EPB41L3: variants seen among roughly 807,000 people sequenced by gnomAD.
EPB41L3 encodes the protein band 4.1-like protein 3.
A neutral mutation model predicts 127.1 loss-of-function variants in EPB41L3; 57 were observed. The ratio of observed to expected loss-of-function variants is 0.45; its 90% CI spans 0.36 to 0.56. The LOEUF (loss-of-function observed/expected upper bound fraction) is 0.56. Among genes scored for constraint, EPB41L3 ranks in the 20% least tolerant of loss-of-function variants. The pLI, the probability that EPB41L3 is intolerant of heterozygous loss-of-function variation, is 0.00. For synonymous variants in EPB41L3, 572 were observed against 549.5 expected (o/e 1.04, Z -0.57); for missense variants, 1,273 against 1,372.2 (o/e 0.93, Z 1.14).
intron 16 of EPB41L3, among the ~76,000 whole-genome samples, chr18:5,401,334 C>T (rs1335786818): frequency 6.6e-6 from 1 of 152,106 alleles, no homozygotes; most frequent in Non-Finnish European, 1.5e-5. Flanking sequence ...TCTACAAACA[C>T]AGAGCATACA....
Position 5,393,252 on chromosome 18 carries a change from T to G in EPB41L3, c.*233A>C. 2.3e-6 allele frequency: 1 copy of G among 426,306 alleles called. No individual in the cohort carries two copies. Among genetic ancestry groups the G allele is most frequent in the Non-Finnish European group, 4.2e-6 (1 of 240,908 alleles). 26.4% of individuals were successfully genotyped at this position (426,306 alleles called of 1,614,324 possible). On this transcript the variant is annotated 3_prime_UTR_variant, in exon 23 of 23. Transcript: ENST00000341928. Reference sequence around the variant, plus strand: ...ATTAAAAATGCTGCTCTTTTGTAATTTTATCGTTGCTTCATGCATTATCGG... The same window carrying G: ...ATTAAAAATGCTGCTCTTTTGTAATGTTATCGTTGCTTCATGCATTATCGG...
chr18:5,401,390 T>C (rs2074469721), intron 16 of EPB41L3, among the ~76,000 whole-genome samples: 1 of 152,162 alleles, frequency 6.6e-6, no homozygotes, highest in African/African-American at 2.4e-5. Flanking sequence ...ACCATGTTTA[T>C]GTTGGTATCA....
intron 9 of EPB41L3, among the ~76,000 whole-genome samples, chr18:5,427,221 G>A (rs1598797399): frequency 1.3e-5 from 2 of 152,098 alleles, no homozygotes; most frequent in South Asian, 2.1e-4. Flanking sequence ...CAGTAGAGAA[G>A]TAGATTTTGA....
At chr18:5,542,017 T>C (rs2093744077) in intron 1 of EPB41L3, among the ~76,000 whole-genome samples, 1 of 152,262 alleles carries the variant, frequency 6.6e-6, no homozygotes, top group Non-Finnish European at 1.5e-5. Flanking sequence ...GTATTCAGCA[T>C]TCAGCTATCA....
intron 1 of EPB41L3, among the ~76,000 whole-genome samples, chr18:5,621,126 T>C (rs1374769527): frequency 6.6e-6 from 1 of 152,194 alleles, no homozygotes; most frequent in Non-Finnish European, 1.5e-5. Context: ...CTAGTGACTC[T>C]CTGCTGGGTG....
chr18:5,563,819 G>C (rs1192606650), intron 3 of EPB41L3, among the ~76,000 whole-genome samples: 1 of 152,322 alleles, frequency 6.6e-6, no homozygotes, highest in East Asian at 1.9e-4. Context: ...GCTTAAGGCT[G>C]AGTTGCTCAT....
Position 5,489,102 on chromosome 18 carries a change from G to T in EPB41L3, c.82C>A (p.Arg28Ser). ...GGCTCCGGCACGGGCGCCCCCGCGC[G>T]CCCCTGCGCCCCCGCCGCCTCCTGG... ...EPQEAAGAQG[R>S]AGAPVPEPPK... The change falls in exon 2 of 23, where the codon CGC becomes AGC. Residue 28 changes from arginine to serine, a missense_variant. Transcript: ENST00000341928. 6.3e-7 allele frequency: 1 copy of T among 1,592,130 alleles called. No homozygotes were observed. Among genetic ancestry groups the T allele is most frequent in the Non-Finnish European group, 8.5e-7 (1 of 1,173,882 alleles).
intron 1 of EPB41L3, among the ~76,000 whole-genome samples, chr18:5,497,813 C>G (rs548739687): frequency 6.6e-6 from 1 of 152,320 alleles, no homozygotes; most frequent in South Asian, 2.1e-4. Flanking sequence ...AACAGATTAA[C>G]ATGAATATGT....
chr18:5,497,072 G>T (rs995224192), intron 1 of EPB41L3, among the ~76,000 whole-genome samples: 1 of 152,182 alleles, frequency 6.6e-6, no homozygotes, highest in Non-Finnish European at 1.5e-5. Flanking sequence ...ATGCAGATAC[G>T]CACAGTGGCG....
chr18:5,415,548 T>C (rs2076692231), intron 13 of EPB41L3, among the ~76,000 whole-genome samples: 1 of 152,210 alleles, frequency 6.6e-6, no homozygotes, highest in African/African-American at 2.4e-5. Context: ...TTATATAAAA[T>C]TGACTTCTGG....
At chr18:5,544,117 AG>A (rs2093833090), upstream of EPB41L3, 1 of 985,398 alleles carries the variant, frequency 1.0e-6, no homozygotes, top group Non-Finnish European at 1.2e-6. Context: ...AGACCGTGCG[AG>A]GAAAGCCAAC....
chr18:5,485,804 G>A (rs1490580705), intron 2 of EPB41L3, among the ~76,000 whole-genome samples: 1 of 151,938 alleles, frequency 6.6e-6, no homozygotes, highest in African/African-American at 2.4e-5. Flanking sequence ...TCGGTGTAAG[G>A]AAAACTATAA....
intron 16 of EPB41L3, among the ~76,000 whole-genome samples, chr18:5,403,589 C>G (rs62080544): frequency 1.5e-5 from 2 of 135,600 alleles, no homozygotes; most frequent in South Asian, 2.2e-4. Flanking sequence ...GTCACTGAGA[C>G]CAAAAAAAAA....
At chr18:5,563,817 C>G (rs2094164186) in intron 3 of EPB41L3, among the ~76,000 whole-genome samples, 1 of 152,178 alleles carries the variant, frequency 6.6e-6, no homozygotes, top group South Asian at 2.1e-4. Flanking sequence ...CAGCTTAAGG[C>G]TGAGTTGCTC....
chr18:5,454,803 A>T (rs1025738685), intron 3 of EPB41L3, among the ~76,000 whole-genome samples: 1 of 152,254 alleles, frequency 6.6e-6, no homozygotes, highest in Admixed American at 6.5e-5. Context: ...GTAAATTTAT[A>T]AACAAAATAG....
In EPB41L3 at chr18:5,489,076, C is replaced by T. The variant is rs1292347059; in HGVS notation, c.108G>A (p.Pro36=). ...QGRAGAPVPE[P]PKEEQQQALE... is the part of the protein sequence containing the mutation. The stretch of plus-strand genomic sequence containing the variant: ...GGGCCTGCTGCTGCTCCTCCTTGGG[C>T]GGCTCCGGCACGGGCGCCCCCGCGC... The change falls in exon 2 of 23, where the codon CCG becomes CCA. Residue 36 remains proline, a synonymous_variant. Coordinates refer to ENST00000341928, the MANE Select transcript of EPB41L3 (RefSeq NM_012307.5). 7 of 1,594,228 alleles carry T rather than the reference C, an allele frequency of 4.4e-6. No individual in the cohort carries two copies. Among genetic ancestry groups the T allele is most frequent in the South Asian group, 1.1e-5 (1 of 89,938 alleles).
intron 16 of EPB41L3, among the ~76,000 whole-genome samples, chr18:5,405,243 A>G (rs1325068193): frequency 6.6e-6 from 1 of 152,206 alleles, no homozygotes; most frequent in Non-Finnish European, 1.5e-5. Context: ...CTGCATATAG[A>G]CCACTGTTTA....
chr18:5,597,623 A>G (rs989256294), intron 3 of EPB41L3, among the ~76,000 whole-genome samples: 3 of 152,216 alleles, frequency 2.0e-5, no homozygotes, highest in African/African-American at 7.2e-5. Flanking sequence ...TTTTGTTATA[A>G]TAACCACTAT....
At chr18:5,604,299 C>T (rs973556953) in intron 3 of EPB41L3, among the ~76,000 whole-genome samples, 1 of 151,808 alleles carries the variant, frequency 6.6e-6, no homozygotes, top group African/African-American at 2.4e-5. Flanking sequence ...GTGCTGTCCC[C>T]TTTTTGGGCA....
Sources: allele counts gnomAD v4.1 joint callset (sites outside exome capture counted in the v4.1 genomes callset), GRCh38; gene constraint gnomAD v4.1.1; transcripts MANE v1.5; gene names NCBI Gene and HGNC (gene_info 2026-07-23, HGNC 2026-07-21).